The following PTGS1 variants were observed in gnomAD, a reference collection of about 807,000 sequenced individuals.
PTGS1 encodes the protein prostaglandin-endoperoxide synthase 1.
Under a neutral mutation model 63.0 loss-of-function variants are expected in PTGS1, and 40 were observed. The ratio of observed to expected loss-of-function variants is 0.63; its 90% CI spans 0.49 to 0.83. PTGS1 has a LOEUF of 0.83. Ranked by LOEUF, PTGS1 falls within the 40% of genes least tolerant of loss-of-function variation. PTGS1 has a pLI of 0.00. For synonymous variants in PTGS1, 298 were observed against 301.9 expected (o/e 0.99, Z 0.13); for missense variants, 709 against 786.5 (o/e 0.90, Z 1.18).
rs943540469 is a variant in PTGS1, at chr9:122,371,031, G to A, written c.-54G>A. 10 of 1,558,114 alleles carry A rather than the reference G, an allele frequency of 6.4e-6. No individual in the cohort carries two copies. Among genetic ancestry groups the A allele is most frequent in the African/African-American group, 5.4e-5 (4 of 74,152 alleles). On this transcript the variant is annotated 5_prime_UTR_variant, in exon 1 of 11. Coordinates refer to ENST00000362012, the MANE Select transcript of PTGS1 (RefSeq NM_000962.4). ...TGGGCTGGAGCTCCGGGCAGTGTGC[G>A]AGGCGCACGCACAGGAGCCTGCACT...
chr9:122,392,309 T>C lies in PTGS1; in HGVS notation c.1565T>C (p.Ile522Thr), dbSNP rs199886942. ...AACTCTATCTTTGGGGAGAGTATGA[T>C]AGAGATTGGGGCTCCCTTTTCCCTC... ...HPNSIFGESM[I>T]EIGAPFSLKG... Residue 522 changes from isoleucine to threonine, a missense_variant, in exon 11 of 11, where the codon ATA becomes ACA. Ile to Thr is a moderately conservative substitution (Grantham distance 89, BLOSUM62 -1). Coordinates refer to ENST00000362012, the MANE Select transcript of PTGS1 (RefSeq NM_000962.4). 92 of 1,614,130 alleles carry C rather than the reference T, an allele frequency of 5.7e-5. No homozygotes were observed. Among genetic ancestry groups the C allele is most frequent in the African/African-American group, 2.8e-4 (21 of 75,032 alleles).
upstream of PTGS1, chr9:122,370,901 A>G: frequency 1.0e-6 from 1 of 986,182 alleles, no homozygotes; most frequent in South Asian, 1.6e-5. Context: ...TACACTAATT[A>G]ATAAAATGCC....
At chr9:122,383,359 G>T in intron 7 of PTGS1, 150 bp from the exon 8 acceptor site, 1 of 1,034,906 alleles carries the variant, frequency 9.7e-7, no homozygotes, top group South Asian at 1.7e-5. Flanking sequence ...ATGGAGAGCA[G>T]GGGACTGATT....
chr9:122,375,792 C>T (rs1837106336), intron 2 of PTGS1, among the ~76,000 whole-genome samples: 1 of 152,088 alleles, frequency 6.6e-6, no homozygotes, highest in Admixed American at 6.6e-5. Context: ...GGGTTTGGGG[C>T]TAAGGGAGGG....
chr9:122,384,701 T>G (rs4836888), intron 8 of PTGS1, among the ~76,000 whole-genome samples: 41,801 of 152,022 alleles, frequency 0.27, 9,284 homozygotes, highest in African/African-American at 0.61. Flanking sequence ...ACTTGAGGTC[T>G]GGTTGCCACC....
At chr9:122,373,053 G>A (rs773099724) in intron 2 of PTGS1, among the ~76,000 whole-genome samples, 16 of 152,180 alleles carry the variant, frequency 1.1e-4, no homozygotes, top group South Asian at 2.1e-4. Context: ...CTCTCAGTGC[G>A]AAGAATTGAG....
At position 122,378,039 on chromosome 9, in the gene PTGS1, C is replaced by G. The variant is rs762382263; in HGVS notation, c.211+24C>G. The G allele has an allele frequency of 1.9e-6, 3 of 1,592,438 alleles. No homozygotes were observed. In the Admixed American group the frequency reaches 5.0e-5, roughly 27 times the overall value. On this transcript the variant is annotated intron_variant, in intron 3 of 10. Coordinates refer to ENST00000362012, the MANE Select transcript of PTGS1 (RefSeq NM_000962.4). The stretch of plus-strand genomic sequence containing the variant: ...CCGTGAGCTGGGCCTTCAGCCCTCA[C>G]TCCTTCCGTCTTGAGCCCTTCTGCT...
Position 122,388,617 on chromosome 9 carries a change from A to G in PTGS1, c.1297-1581A>G, listed in dbSNP as rs1399689947. On this transcript the variant is annotated intron_variant, in intron 9 of 10. Coordinates refer to ENST00000362012, the MANE Select transcript of PTGS1 (RefSeq NM_000962.4). ...CACAAACTGGGAAGCTCAGAGCAAC[A>G]GATGGAGGCTAGAAGTCTGAATTCA... Among the ~76,000 whole-genome samples the G allele has an allele frequency of 5.9e-5, 9 of 152,350 alleles. No individual in the cohort carries two copies. The East Asian group carries it at 1.2e-3, about 20-fold the overall frequency.
intron 10 of PTGS1, among the ~76,000 whole-genome samples, chr9:122,391,818 C>A (rs1214367248): frequency 6.6e-6 from 1 of 152,086 alleles, no homozygotes; most frequent in African/African-American, 2.4e-5. Context: ...AGGCTAAGGT[C>A]TTGAAATCTG....
intron 9 of PTGS1, among the ~76,000 whole-genome samples, chr9:122,388,542 G>A (rs1838017029): frequency 6.6e-6 from 1 of 152,150 alleles, no homozygotes; most frequent in African/African-American, 2.4e-5. Flanking sequence ...AGCTTGAATA[G>A]CTGCCCAAGG....
At position 122,378,766 on chromosome 9, in the gene PTGS1, T is replaced by C. The variant is rs1047657976; in HGVS notation, c.353-9T>C. 3.7e-6 allele frequency: 6 copies of C among 1,614,004 alleles called. No individual in the cohort carries two copies. In the African/African-American group the frequency reaches 4.0e-5, roughly 11 times the overall value. ...ACACCCTTGTCACCGTTATTTTTGCTCTCTGCAGTGCGCTCCAACCTTATC... is the reference window on the plus strand; with the variant it reads ...ACACCCTTGTCACCGTTATTTTTGCCCTCTGCAGTGCGCTCCAACCTTATC... On this transcript the variant is annotated splice_polypyrimidine_tract_variant and intron_variant, in intron 4 of 10. Coordinates refer to ENST00000362012, the MANE Select transcript of PTGS1 (RefSeq NM_000962.4).
At chr9:122,381,329 C>T (rs1837498642) in intron 5 of PTGS1, 42 bp from the exon 6 acceptor site, 1 of 1,595,122 alleles carries the variant, frequency 6.3e-7, no homozygotes, top group Admixed American at 1.7e-5. Flanking sequence ...GCAGCAAGAT[C>T]CAGATAGGAG....
chr9:122,382,140 T>C (rs923652685), intron 7 of PTGS1, among the ~76,000 whole-genome samples: 2 of 152,200 alleles, frequency 1.3e-5, no homozygotes, highest in Admixed American at 6.5e-5. Flanking sequence ...GTTCATTCTA[T>C]GAGGGCTTTT....
chr9:122,386,806 T>A, intron 9 of PTGS1, 74 bp downstream of exon 9: 5 of 1,538,442 alleles, frequency 3.3e-6, no homozygotes, highest in Admixed American at 1.8e-5. Context: ...AATTCCAGGT[T>A]CTTCTTCTGT....
At chr9:122,388,801 T>C (rs1205991699) in intron 9 of PTGS1, among the ~76,000 whole-genome samples, 1 of 152,210 alleles carries the variant, frequency 6.6e-6, no homozygotes, top group Admixed American at 6.5e-5. Context: ...TTTCCTCATT[T>C]TATAAAGACA....
intron 2 of PTGS1, among the ~76,000 whole-genome samples, chr9:122,377,532 C>T (rs950970113): frequency 6.7e-6 from 1 of 148,744 alleles, no homozygotes; most frequent in East Asian, 2.1e-4. Flanking sequence ...GAAGTGAACG[C>T]TCTAGAAGCC....
intron 2 of PTGS1, chr9:122,371,919 C>G: frequency 9.7e-7 from 1 of 1,026,988 alleles, no homozygotes; most frequent in Non-Finnish European, 1.5e-6. Flanking sequence ...ACACACTTCG[C>G]AAGGTCTTTC....
Position 122,378,011 on chromosome 9 carries a change from C to T in PTGS1, c.207C>T (p.Thr69=). 6.2e-7 allele frequency: 1 copy of T among 1,612,052 alleles called. No homozygotes were observed. Among genetic ancestry groups the T allele is most frequent in the Non-Finnish European group, 8.5e-7 (1 of 1,179,526 alleles). Residue 69 remains threonine (T), a synonymous_variant, in exon 3 of 11, where the codon ACC becomes ACT. Transcript: ENST00000362012. ...CGGGCTATTCCGGCCCCAACTGCACCATCCGTGAGCTGGGCCTTCAGCCCT... is the reference window on the plus strand; with the variant it reads ...CGGGCTATTCCGGCCCCAACTGCACTATCCGTGAGCTGGGCCTTCAGCCCT... ...TRTGYSGPNC[T]IPGLWTWLRN...
Position 122,371,182 on chromosome 9 carries a change from G to T in PTGS1, c.8-4G>T. ...GCTCAGCCCCTCATCTCTCTCCTCT[G>T]CAGGGAGTCTCTTGCTCTGGTTCTT... is the stretch of plus-strand genomic sequence containing the variant. On this transcript the variant is annotated splice_polypyrimidine_tract_variant and splice_region_variant and intron_variant, in intron 1 of 10. Coordinates refer to ENST00000362012, the MANE Select transcript of PTGS1 (RefSeq NM_000962.4). 2 of 1,609,032 alleles carry T rather than the reference G, an allele frequency of 1.2e-6. No homozygotes were observed. Among genetic ancestry groups the T allele is most frequent in the South Asian group, 2.2e-5 (2 of 91,086 alleles).
Sources: allele counts gnomAD v4.1 joint callset (sites outside exome capture counted in the v4.1 genomes callset), GRCh38; gene constraint gnomAD v4.1.1; transcripts MANE v1.5; gene names NCBI Gene and HGNC (gene_info 2026-07-23, HGNC 2026-07-21).